The following MAGI1 variants were observed in gnomAD, a reference collection of about 807,000 sequenced individuals.
MAGI1 encodes the protein membrane-associated guanylate kinase, WW and PDZ domain-containing protein 1.
In MAGI1, 58 loss-of-function variants were observed where a neutral mutation model predicts 139.9. The observed-to-expected ratio is 0.41, with a 90% confidence interval of 0.34 to 0.52. The LOEUF (loss-of-function observed/expected upper bound fraction) is 0.52, where lower values mean the gene tolerates loss of function less well. Ranked by LOEUF, MAGI1 falls within the 20% of genes least tolerant of loss-of-function variation. MAGI1 has a pLI of 0.12. For missense variants in MAGI1, 1,874 were observed against 1,901.6 expected (o/e 0.99, Z 0.27); for synonymous variants, 812 against 737.9 (o/e 1.10, Z -1.63).
chr3:65,818,189 T>C (rs951822167), intron 1 of MAGI1, among the ~76,000 whole-genome samples: 1 of 152,164 alleles, frequency 6.6e-6, no homozygotes, highest in Non-Finnish European at 1.5e-5. Context: ...AAACACTGAT[T>C]AATTAGTCCT....
chr3:65,914,430 A>C (rs1432538101), intron 1 of MAGI1, among the ~76,000 whole-genome samples: 5 of 152,232 alleles, frequency 3.3e-5, no homozygotes, highest in African/African-American at 7.2e-5. Context: ...CCATGCAGAT[A>C]ACCTCAACTA....
At chr3:65,734,544 A>AGGGG (rs1357013973) in intron 1 of MAGI1, among the ~76,000 whole-genome samples, 1 of 148,458 alleles carries the variant, frequency 6.7e-6, no homozygotes, top group African/African-American at 2.5e-5. Context: ...GGGGAGAGAG[A>AGGGG]GAAAGAGAGA....
At chr3:65,858,894 AT>A (rs757258806) in intron 1 of MAGI1, among the ~76,000 whole-genome samples, 3 of 152,228 alleles carry the variant, frequency 2.0e-5, no homozygotes, top group Non-Finnish European at 2.9e-5. Flanking sequence ...TCCTTTCTGA[AT>A]GAGCTAACAC....
intron 1 of MAGI1, among the ~76,000 whole-genome samples, chr3:65,636,366 T>C (rs1379782003): frequency 1.3e-5 from 2 of 152,208 alleles, no homozygotes; most frequent in Non-Finnish European, 2.9e-5. Context: ...CTAATCTCCA[T>C]AATTCCATAA....
At chr3:65,516,329 G>C (rs2077875537) in intron 2 of MAGI1, among the ~76,000 whole-genome samples, 1 of 151,972 alleles carries the variant, frequency 6.6e-6, no homozygotes, top group African/African-American at 2.4e-5. Flanking sequence ...ACAGGCATGT[G>C]CCACCCCACC....
intron 2 of MAGI1, among the ~76,000 whole-genome samples, chr3:65,583,425 C>G (rs1255134518): frequency 6.6e-6 from 1 of 152,186 alleles, no homozygotes; most frequent in Admixed American, 6.5e-5. Flanking sequence ...CCCTGTCTCT[C>G]AGAGTCACAA....
intron 1 of MAGI1, among the ~76,000 whole-genome samples, chr3:65,812,279 T>C (rs1005752186): frequency 5.9e-5 from 9 of 152,126 alleles, no homozygotes; most frequent in Non-Finnish European, 1.0e-4. Context: ...AAAGCGGGTA[T>C]TCTAAAAATG....
At chr3:65,471,319 C>T (rs923895740) in intron 4 of MAGI1, among the ~76,000 whole-genome samples, 1 of 152,244 alleles carries the variant, frequency 6.6e-6, no homozygotes, top group East Asian at 1.9e-4. Flanking sequence ...TGTCAATCTC[C>T]ACAGGGCTTT....
At chr3:65,497,785 A>G (rs1952557603) in intron 2 of MAGI1, among the ~76,000 whole-genome samples, 1 of 152,188 alleles carries the variant, frequency 6.6e-6, no homozygotes, top group Admixed American at 6.5e-5. Flanking sequence ...ATAATCAAGA[A>G]CGTCAAAAAT....
At chr3:65,616,604 G>C (rs904660410) in intron 2 of MAGI1, among the ~76,000 whole-genome samples, 2 of 152,198 alleles carry the variant, frequency 1.3e-5, no homozygotes, top group African/African-American at 4.8e-5. Flanking sequence ...GCTTTGTAAA[G>C]GCTAAAGCAA....
At chr3:65,844,734 G>A (rs893029007) in intron 1 of MAGI1, among the ~76,000 whole-genome samples, 4 of 152,204 alleles carry the variant, frequency 2.6e-5, no homozygotes, top group Non-Finnish European at 4.4e-5. Flanking sequence ...AAGACCTAGG[G>A]CTTATTTTAG....
intron 1 of MAGI1, among the ~76,000 whole-genome samples, chr3:65,765,545 A>G (rs2037399719): frequency 6.6e-6 from 1 of 152,226 alleles, no homozygotes; most frequent in South Asian, 2.1e-4. Flanking sequence ...GAGAGTTGGA[A>G]GAGTCAGGAT....
chr3:65,800,782 C>A (rs1003532018), intron 1 of MAGI1, among the ~76,000 whole-genome samples: 2 of 152,006 alleles, frequency 1.3e-5, no homozygotes, highest in Admixed American at 6.6e-5. Flanking sequence ...TAGCTTCTAC[C>A]AGGACTGCCT....
At chr3:65,753,701 A>G (rs1577008327) in intron 1 of MAGI1, among the ~76,000 whole-genome samples, 2 of 150,916 alleles carry the variant, frequency 1.3e-5, no homozygotes, top group Middle Eastern at 6.8e-3. Flanking sequence ...CCATCTCAAA[A>G]AAAAAAAAAA....
intron 1 of MAGI1, among the ~76,000 whole-genome samples, chr3:65,662,795 T>C (rs1297988315): frequency 6.6e-6 from 1 of 152,206 alleles, no homozygotes; most frequent in Admixed American, 6.5e-5. Context: ...ATTAGATTTC[T>C]AGACTTATTT....
chr3:65,442,852 G>A lies in MAGI1; in HGVS notation c.1079-3C>T. ...CTTTTCCCAACCAGCAGGCAGTTCT[G>A]AAAAATAAAAGAACATTTAGGGCAA... On this transcript the variant is annotated splice_polypyrimidine_tract_variant and splice_region_variant and intron_variant, in intron 7 of 22. Transcript: ENST00000402939. 1.2e-6 allele frequency: 2 copies of A among 1,612,152 alleles called. No individual in the cohort carries two copies. Among genetic ancestry groups the A allele is most frequent in the Non-Finnish European group, 1.7e-6 (2 of 1,178,730 alleles).
chr3:65,688,745 C>G (rs12629176), intron 1 of MAGI1, among the ~76,000 whole-genome samples: 18,059 of 152,150 alleles, frequency 0.12, 1,650 homozygotes, highest in East Asian at 0.43. Context: ...AACATATTTT[C>G]CTAATATTCT....
chr3:65,485,457 T>C (rs1951566044), intron 3 of MAGI1, among the ~76,000 whole-genome samples: 1 of 152,102 alleles, frequency 6.6e-6, no homozygotes, highest in Admixed American at 6.6e-5. Context: ...GTTCACACAG[T>C]ATAAAGACAA....
intron 1 of MAGI1, among the ~76,000 whole-genome samples, chr3:65,878,038 G>A (rs1356586135): frequency 6.6e-6 from 1 of 151,970 alleles, no homozygotes; most frequent in Middle Eastern, 3.2e-3. Context: ...CTGTGCCGAG[G>A]AGTTGGAAAC....
Sources: gnomAD v4.1 joint callset for allele counts (sites outside exome capture counted in the v4.1 genomes callset) on GRCh38, gnomAD v4.1.1 for gene constraint, MANE v1.5 for transcripts, NCBI Gene and HGNC (gene_info 2026-07-23, HGNC 2026-07-21) for gene names.